TARS3: variants seen among roughly 807,000 people sequenced by gnomAD.
TARS3 encodes threonyl-tRNA synthetase 3.
Under a neutral mutation model 103.5 loss-of-function variants are expected in TARS3, and 94 were observed. The observed-to-expected ratio is 0.91, with a 90% CI of 0.77 to 1.08. TARS3 has a LOEUF of 1.08. Ranked by LOEUF, TARS3 falls within the 50% of genes least tolerant of loss-of-function variation. The pLI, the probability that TARS3 is intolerant of heterozygous loss-of-function variation, is 0.00. For synonymous variants in TARS3, 416 were observed against 355.4 expected (o/e 1.17, Z -1.92); for missense variants, 952 against 995.2 (o/e 0.96, Z 0.58).
intron 3 of TARS3, among the ~76,000 whole-genome samples, chr15:101,718,322 C>A (rs529807408): frequency 3.4e-4 from 51 of 148,584 alleles, no homozygotes; most frequent in South Asian, 6.4e-4. Context: ...GAGCCAAGAT[C>A]GAGAAAAGGG....
In TARS3 at chr15:101,714,931, T is replaced by C. The variant is rs761712479; in HGVS notation, c.599A>G (p.Lys200Arg). ...QELAESTVIA[K>R]VNGELWDLDR... is the part of the protein sequence containing the mutation. ...CAGGTCCCACAGTTCACCATTGACT[T>C]TGGCTATTACCGTGCTTTCAGCCAG... The change falls in exon 4 of 19, where the codon AAA becomes AGA. Residue 200 changes from lysine (K) to arginine (R), a missense_variant. Around this residue, in one of 2 missense-constraint regions of TARS3, gnomAD observed 412 missense variants for 364.2 expected, o/e 1.13. Coordinates refer to ENST00000335968, the MANE Select transcript of TARS3 (RefSeq NM_152334.3). 17 of 1,612,104 alleles carry C rather than the reference T, an allele frequency of 1.1e-5. No individual in the cohort carries two copies. In the Middle Eastern group the frequency reaches 4.9e-4, roughly 47 times the overall value.
intron 12 of TARS3, among the ~76,000 whole-genome samples, chr15:101,682,593 GTTTTC>G (rs1274869407): frequency 2.6e-5 from 4 of 152,180 alleles, no homozygotes; most frequent in South Asian, 4.1e-4. Context: ...ATGTTCAGTA[GTTTTC>G]TTTTAATTTC....
intron 10 of TARS3, among the ~76,000 whole-genome samples, chr15:101,694,980 G>A (rs768931843): frequency 2.6e-5 from 4 of 152,180 alleles, no homozygotes; most frequent in Non-Finnish European, 5.9e-5. Context: ...GATTTGCAAC[G>A]TGGAAAGAGT....
intron 18 of TARS3, 48 bp from the exon 19 acceptor site, chr15:101,654,778 C>G (rs750120086): frequency 1.3e-6 from 2 of 1,572,688 alleles, no homozygotes; most frequent in Non-Finnish European, 1.7e-6. Context: ...AGCAATTTAC[C>G]AAACATTAAG....
intron 15 of TARS3, among the ~76,000 whole-genome samples, chr15:101,667,831 T>A (rs1897641985): frequency 6.6e-6 from 1 of 152,166 alleles, no homozygotes; most frequent in South Asian, 2.1e-4. Context: ...TGACCTCAGG[T>A]GATCCACCTG....
chr15:101,659,506 G>A (rs1440984902), intron 16 of TARS3, among the ~76,000 whole-genome samples: 1 of 152,138 alleles, frequency 6.6e-6, no homozygotes, highest in Non-Finnish European at 1.5e-5. Flanking sequence ...ACTGCTGTCT[G>A]AAGTCTGGAT....
Position 101,706,501 on chromosome 15 carries a change from G to A in TARS3, c.931-754C>T, listed in dbSNP as rs544134655. Among the ~76,000 whole-genome samples the A allele has an allele frequency of 2.2e-4, 33 of 152,198 alleles. No individual in the cohort carries two copies. In the South Asian group the frequency reaches 4.2e-3, roughly 19 times the overall value. ...AAATGTAGCTGCCATAAAATTATAG[G>A]TTACACATGTAGCTCAGACTAGTGG... On this transcript the variant is annotated intron_variant, in intron 6 of 18. Coordinates refer to ENST00000335968, the MANE Select transcript of TARS3 (RefSeq NM_152334.3).
chr15:101,690,918 G>A (rs1898687181), intron 10 of TARS3, among the ~76,000 whole-genome samples: 1 of 151,912 alleles, frequency 6.6e-6, no homozygotes, highest in Non-Finnish European at 1.5e-5. Flanking sequence ...ATTTCCTTCA[G>A]CAATGAAAAT....
intron 6 of TARS3, among the ~76,000 whole-genome samples, chr15:101,708,258 A>G (rs767094209): frequency 0.15 from 829 of 5,552 alleles, 5 homozygotes; most frequent in Non-Finnish European, 0.25. Context: ...ACTCTGTCTG[A>G]AAAAAAAAAA....
At chr15:101,710,631 AAC>A (rs1257900150) in intron 5 of TARS3, among the ~76,000 whole-genome samples, 1 of 152,330 alleles carries the variant, frequency 6.6e-6, no homozygotes, top group East Asian at 1.9e-4. Flanking sequence ...GTTGTAGGTA[AAC>A]ACAGTTTCAT....
chr15:101,704,393 A>G (rs12443359), intron 7 of TARS3, among the ~76,000 whole-genome samples: 85,559 of 152,082 alleles, frequency 0.56, 24,694 homozygotes, highest in East Asian at 0.83. Flanking sequence ...GGTGGCTCAC[A>G]CCTGTAATCC....
intron 2 of TARS3, among the ~76,000 whole-genome samples, chr15:101,721,891 G>T (rs1300919931): frequency 6.6e-6 from 1 of 152,142 alleles, no homozygotes; most frequent in East Asian, 1.9e-4. Flanking sequence ...ACTCAGTACA[G>T]TATTCAATAA....
In TARS3 at chr15:101,721,150, G is replaced by C. The variant is rs915559256; in HGVS notation, c.542C>G (p.Pro181Arg). ...TVQGEVWKTTPYQVAAEISQE... is the reference protein window; with the variant it reads ...TVQGEVWKTTRYQVAAEISQE... ...CCTAATTTCAGCAGCCACTTGGTAA[G>C]GCGTTGTTTTCCAGACTTCCCCTTG... Residue 181 changes from proline to arginine, a missense_variant, in exon 3 of 19, where the codon CCT (proline) becomes CGT (arginine). By Grantham distance (103) the Pro-to-Arg change is moderately radical. Around this residue, in one of 2 missense-constraint regions of TARS3, gnomAD observed 412 missense variants for 364.2 expected, o/e 1.13. Coordinates refer to ENST00000335968, the MANE Select transcript of TARS3 (RefSeq NM_152334.3). 1.9e-6 allele frequency: 3 copies of C among 1,598,550 alleles called. No homozygotes were observed. Among genetic ancestry groups the C allele is most frequent in the Non-Finnish European group, 2.6e-6 (3 of 1,167,180 alleles).
chr15:101,660,120 G>A (rs1897321909), intron 16 of TARS3, among the ~76,000 whole-genome samples: 1 of 152,232 alleles, frequency 6.6e-6, no homozygotes, highest in Non-Finnish European at 1.5e-5. Flanking sequence ...GGAACTGGTT[G>A]CAGTGACCCT....
intron 9 of TARS3, among the ~76,000 whole-genome samples, chr15:101,701,484 T>C (rs975336653): frequency 6.6e-5 from 10 of 152,216 alleles, no homozygotes; most frequent in African/African-American, 2.4e-4. Context: ...CCAAAAAAGT[T>C]CATTGCAGGA....
intron 6 of TARS3, among the ~76,000 whole-genome samples, chr15:101,708,219 C>A (rs1386099282): frequency 7.7e-6 from 1 of 129,364 alleles, no homozygotes; most frequent in Non-Finnish European, 1.6e-5. Context: ...GATAGTGCCA[C>A]TGCACTCTAG....
chr15:101,716,674 C>T (rs1018693595), intron 3 of TARS3, among the ~76,000 whole-genome samples: 2 of 152,076 alleles, frequency 1.3e-5, no homozygotes, highest in African/African-American at 4.8e-5. Flanking sequence ...ATATATCTTA[C>T]TCAATTATTT....
chr15:101,685,679 A>G (rs1898440735), intron 11 of TARS3, among the ~76,000 whole-genome samples: 1 of 152,232 alleles, frequency 6.6e-6, no homozygotes, highest in South Asian at 2.1e-4. Flanking sequence ...GCACAAAAAA[A>G]TGCAATGGTT....
At chr15:101,686,329 T>C (rs1407498543) in intron 10 of TARS3, among the ~76,000 whole-genome samples, 3 of 152,184 alleles carry the variant, frequency 2.0e-5, no homozygotes, top group African/African-American at 7.2e-5. Context: ...AAGTAGTAAT[T>C]GAAATACAAT....
Sources: allele counts gnomAD v4.1 joint callset (sites outside exome capture counted in the v4.1 genomes callset), GRCh38; gene constraint gnomAD v4.1.1; regional missense constraint gnomAD v4.1.1; transcripts MANE v1.5; gene names NCBI Gene and HGNC (gene_info 2026-07-23, HGNC 2026-07-21).